The following PLPPR1 variants were observed in gnomAD, a reference collection of about 807,000 sequenced individuals.
PLPPR1 encodes phospholipid phosphatase related 1, also known as phospholipid phosphatase-related protein type 1.
A neutral mutation model predicts 33.1 loss-of-function variants in PLPPR1; 10 were observed. That is an observed-to-expected ratio of 0.30 (90% CI 0.19 to 0.51). The LOEUF (loss-of-function observed/expected upper bound fraction) is 0.51. PLPPR1 is among the 20% of genes least tolerant of loss of function. The probability of loss-of-function intolerance (pLI) is 0.97; values close to 1 mark genes in which losing one functional copy is unlikely to be tolerated. For synonymous variants in PLPPR1, 151 were observed against 151.0 expected, an observed-to-expected ratio of 1.00 and a Z score of 0.00; for missense variants, 304 against 408.1, an observed-to-expected ratio of 0.74 and a Z score of 2.20.
At chr9:101,203,699 TTATATATC>T (rs990150169) in intron 2 of PLPPR1, among the ~76,000 whole-genome samples, 1 of 58,184 alleles carries the variant, frequency 1.7e-5, no homozygotes, top group Non-Finnish European at 4.9e-5. Context: ...ATTAGATACA[TTATATATC>T]TATATACACA....
At position 101,145,543 on chromosome 9, in the gene PLPPR1, A is replaced by G. The variant is rs1301429377; in HGVS notation, c.-45-39907A>G. Among the ~76,000 whole-genome samples the G allele has an allele frequency of 4.6e-5, 7 of 151,936 alleles. No individual in the cohort carries two copies. In the East Asian group the frequency reaches 1.2e-3, roughly 25 times the overall value. Reference sequence around the variant, plus strand: ...ATTCCAAGCACCTGCCACCACGCCCAGCTAATTTTTGTGTTTTTAGTAGAG... The same window carrying G: ...ATTCCAAGCACCTGCCACCACGCCCGGCTAATTTTTGTGTTTTTAGTAGAG... On this transcript the variant is annotated intron_variant, in intron 1 of 7. Coordinates refer to ENST00000374874, the MANE Select transcript of PLPPR1 (RefSeq NM_207299.2).
rs149627494 is a variant in PLPPR1, at chr9:101,233,239, A to G, written c.64-36641A>G. Among the ~76,000 whole-genome samples the G allele has an allele frequency of 3.3e-5, 5 of 152,166 alleles. No individual in the cohort carries two copies. The East Asian group carries it at 9.7e-4, about 29-fold the overall frequency. ...ATAACAAGCTTCTCTAAACATAGAC[A>G]TGCCAAACTGGAGGTAGGTGTGTGA... On this transcript the variant is annotated intron_variant, in intron 2 of 7. Coordinates refer to ENST00000374874, the MANE Select transcript of PLPPR1 (RefSeq NM_207299.2).
At chr9:101,115,478 A>G (rs150692915) in intron 1 of PLPPR1, among the ~76,000 whole-genome samples, 43 of 152,336 alleles carry the variant, frequency 2.8e-4, no homozygotes, top group African/African-American at 1.0e-3. Context: ...TTTACTTTTA[A>G]AAGTACAAAT....
At chr9:101,097,820 G>A (rs1021669557) in intron 1 of PLPPR1, among the ~76,000 whole-genome samples, 1 of 152,168 alleles carries the variant, frequency 6.6e-6, no homozygotes, top group Non-Finnish European at 1.5e-5. Flanking sequence ...GCCAGGAAGA[G>A]GTAGGTGGGG....
intron 1 of PLPPR1, among the ~76,000 whole-genome samples, chr9:101,152,096 G>C (rs2118651909): frequency 6.6e-6 from 1 of 152,278 alleles, no homozygotes. Flanking sequence ...CATTCTAACT[G>C]GTGTGAGATG....
intron 5 of PLPPR1, among the ~76,000 whole-genome samples, 169 bp from the exon 6 acceptor site, chr9:101,312,629 A>G (rs1828979202): frequency 6.6e-6 from 1 of 152,128 alleles, no homozygotes; most frequent in Non-Finnish European, 1.5e-5. Flanking sequence ...TCCTACCTAA[A>G]TAATTTATTA....
chr9:101,144,560 C>T (rs1459058472), intron 1 of PLPPR1, among the ~76,000 whole-genome samples: 1 of 152,002 alleles, frequency 6.6e-6, no homozygotes, highest in Non-Finnish European at 1.5e-5. Context: ...CCATCTCAAC[C>T]CAAGGAGAGA....
intron 2 of PLPPR1, among the ~76,000 whole-genome samples, chr9:101,224,674 T>A (rs939653105): frequency 1.3e-5 from 2 of 152,158 alleles, no homozygotes; most frequent in African/African-American, 4.8e-5. Context: ...AAAAAGTTGA[T>A]TACTGGTCAG....
chr9:101,228,407 C>T (rs1051107028), intron 2 of PLPPR1, among the ~76,000 whole-genome samples: 9 of 152,134 alleles, frequency 5.9e-5, no homozygotes, highest in African/African-American at 2.2e-4. Context: ...ATCCTAGTTT[C>T]TTTAATTCCT....
At chr9:101,213,373 A>G (rs1407449270) in intron 2 of PLPPR1, among the ~76,000 whole-genome samples, 1 of 152,204 alleles carries the variant, frequency 6.6e-6, no homozygotes, top group Non-Finnish European at 1.5e-5. Flanking sequence ...AATACTTTTT[A>G]AAAGCACTAT....
At chr9:101,202,079 T>C (rs1340280554) in intron 2 of PLPPR1, among the ~76,000 whole-genome samples, 3 of 152,218 alleles carry the variant, frequency 2.0e-5, no homozygotes, top group Non-Finnish European at 4.4e-5. Context: ...TTTGGAGGTT[T>C]ATGTGACCAC....
intron 3 of PLPPR1, among the ~76,000 whole-genome samples, chr9:101,280,390 A>T (rs1828276451): frequency 6.6e-6 from 1 of 152,132 alleles, no homozygotes; most frequent in African/African-American, 2.4e-5. Context: ...TTTTACTCAA[A>T]CTATTCTGCA....
At chr9:101,047,267 G>A (rs567280429) in intron 1 of PLPPR1, among the ~76,000 whole-genome samples, 1 of 152,262 alleles carries the variant, frequency 6.6e-6, no homozygotes, top group Admixed American at 6.5e-5. Context: ...CTTCTAGGAA[G>A]TTCTTGCACT....
intron 1 of PLPPR1, among the ~76,000 whole-genome samples, chr9:101,165,596 TAATC>T (rs1825842287): frequency 6.6e-6 from 1 of 152,188 alleles, no homozygotes; most frequent in South Asian, 2.1e-4. Flanking sequence ...TTCTCAATAA[TAATC>T]TGCTCCATGC....
intron 1 of PLPPR1, among the ~76,000 whole-genome samples, chr9:101,052,495 G>T (rs570371404): frequency 6.6e-6 from 1 of 152,268 alleles, no homozygotes; most frequent in Non-Finnish European, 1.5e-5. Context: ...TGGCTGAGAA[G>T]CCACAATCAA....
chr9:101,254,469 T>C lies in PLPPR1; in HGVS notation c.64-15411T>C, dbSNP rs117903154. On this transcript the variant is annotated intron_variant, in intron 2 of 7. Coordinates refer to ENST00000374874, the MANE Select transcript of PLPPR1 (RefSeq NM_207299.2). Reference sequence around the variant, plus strand: ...GCAGCTGTAAATACAGAAGAAGCTTTGCTCACTTGCCTGCCACTCACCTCC... The same window carrying C: ...GCAGCTGTAAATACAGAAGAAGCTTCGCTCACTTGCCTGCCACTCACCTCC... Among the ~76,000 whole-genome samples, 39 of 152,226 alleles carry C rather than the reference T, an allele frequency of 2.6e-4. 1 individual carries two copies. In the East Asian group the frequency reaches 6.6e-3, roughly 26 times the overall value.
At chr9:101,311,076 T>C (rs1564034428) in intron 5 of PLPPR1, among the ~76,000 whole-genome samples, 1 of 151,306 alleles carries the variant, frequency 6.6e-6, no homozygotes. Context: ...AAACAATGTA[T>C]TCTTGTGCCT....
intron 2 of PLPPR1, among the ~76,000 whole-genome samples, chr9:101,249,282 T>G (rs1827673423): frequency 6.6e-6 from 1 of 152,120 alleles, no homozygotes; most frequent in Admixed American, 6.6e-5. Flanking sequence ...TCTCAGGACC[T>G]TGTGGGTACT....
chr9:101,247,864 T>C (rs1827641823), intron 2 of PLPPR1, among the ~76,000 whole-genome samples: 1 of 152,002 alleles, frequency 6.6e-6, no homozygotes, highest in Middle Eastern at 3.2e-3. Context: ...GGCTCCTCAG[T>C]CTCTGAACAT....
Sources: allele counts gnomAD v4.1 joint callset (sites outside exome capture counted in the v4.1 genomes callset), GRCh38; gene constraint gnomAD v4.1.1; transcripts MANE v1.5; gene names NCBI Gene and HGNC (gene_info 2026-07-23, HGNC 2026-07-21).